The following QPRT variants were observed in gnomAD, a reference collection of about 807,000 sequenced individuals.
QPRT encodes the protein quinolinate phosphoribosyltransferase, also known as nicotinate-nucleotide pyrophosphorylase [carboxylating].
Under a neutral mutation model 19.8 loss-of-function variants are expected in QPRT, and 17 were observed. The ratio of observed to expected loss-of-function variants is 0.86; its 90% confidence interval spans 0.59 to 1.29. The LOEUF (loss-of-function observed/expected upper bound fraction) is 1.29, where lower values mean the gene tolerates loss of function less well. Among genes scored for constraint, QPRT ranks in the 50% most tolerant of loss-of-function variants. QPRT has a pLI of 0.00. For synonymous variants in QPRT, 178 were observed against 191.0 expected (o/e 0.93, Z 0.56); for missense variants, 336 against 405.1 (o/e 0.83, Z 1.46).
intron 2 of QPRT, chr16:29,695,793 CTTTTTTTT>C (rs35141323): frequency 2.0e-4 from 9 of 45,732 alleles, no homozygotes; most frequent in Non-Finnish European, 2.7e-4. Context: ...ACCCAGCTGC[CTTTTTTTT>C]TTTTTTTTTT....
intron 1 of QPRT, among the ~76,000 whole-genome samples, chr16:29,689,303 C>G (rs1407843830): frequency 6.6e-6 from 1 of 152,032 alleles, no homozygotes. Context: ...CCATGTTGGA[C>G]AGGCTGGTCT....
At position 29,695,834 on chromosome 16, in the gene QPRT, A is replaced by G. The variant is rs1409999710; in HGVS notation, c.549+635A>G. 8 of 113,372 alleles carry G rather than the reference A, an allele frequency of 7.1e-5. No homozygotes were observed. The East Asian group carries it at 1.9e-3, about 27-fold the overall frequency. The allele number at this position is 113,372 out of a possible 1,614,324, so 7.0% of individuals were successfully genotyped here. A position where few individuals can be genotyped will look rare whatever the true frequency, so the allele number is the denominator to read the frequency against. ...TTTTTTTTTGAGATGGGGTCTCACT[A>G]TGTTGCCCAGGCTGGTCTCAAACTT... On this transcript the variant is annotated intron_variant, in intron 2 of 3. Transcript: ENST00000395384.
chr16:29,680,487 G>A (rs1279964247), intron 1 of QPRT, among the ~76,000 whole-genome samples: 10 of 152,108 alleles, frequency 6.6e-5, no homozygotes, highest in African/African-American at 2.4e-5. Context: ...CACAGGGGTG[G>A]CTGACTAAAC....
chr16:29,680,044 G>A (rs1363186262), intron 1 of QPRT, among the ~76,000 whole-genome samples: 7 of 147,248 alleles, frequency 4.8e-5, no homozygotes, highest in African/African-American at 1.8e-4. Context: ...TGCAAGCTCC[G>A]CCTCCCGGGT....
chr16:29,689,047 C>T (rs903798824), intron 1 of QPRT, among the ~76,000 whole-genome samples: 4 of 152,114 alleles, frequency 2.6e-5, no homozygotes, highest in Admixed American at 6.6e-5. Flanking sequence ...TCCCAAAGTG[C>T]TGGGATTACA....
intron 1 of QPRT, among the ~76,000 whole-genome samples, chr16:29,687,493 T>G (rs1967196765): frequency 6.6e-6 from 1 of 152,192 alleles, no homozygotes; most frequent in Non-Finnish European, 1.5e-5. Context: ...GATTGTGGAC[T>G]GGAGACAACC....
chr16:29,694,060 C>T (rs1005474873), intron 1 of QPRT, among the ~76,000 whole-genome samples: 3 of 151,976 alleles, frequency 2.0e-5, no homozygotes, highest in African/African-American at 7.3e-5. Context: ...AGTGATCTGC[C>T]TGCCCCAGCC....
chr16:29,688,967 G>T (rs933765987), intron 1 of QPRT, among the ~76,000 whole-genome samples: 4 of 151,494 alleles, frequency 2.6e-5, no homozygotes, highest in African/African-American at 9.7e-5. Flanking sequence ...TTTTAGGAGA[G>T]ACGGGGTTTC....
chr16:29,684,298 T>C (rs1293567560), intron 1 of QPRT, among the ~76,000 whole-genome samples: 2 of 152,006 alleles, frequency 1.3e-5, no homozygotes, highest in African/African-American at 4.8e-5. Flanking sequence ...TTTTTCTTTT[T>C]TTCTTTTGTT....
In QPRT at chr16:29,697,442, T is replaced by C. The variant is rs759334458; in HGVS notation, c.*31T>C. ...AACCGGAAGAGGATGACACCGGCCA[T>C]GGGTTAACGTGGCTCCTCAGGACCC... On this transcript the variant is annotated 3_prime_UTR_variant, in exon 4 of 4. Coordinates refer to ENST00000395384, the MANE Select transcript of QPRT (RefSeq NM_014298.6). The surrounding 1 kb of genome is among the most constrained non-coding windows in gnomAD (Gnocchi z 4.4). 5.1e-6 allele frequency: 8 copies of C among 1,581,662 alleles called. No homozygotes were observed. In the South Asian group the frequency reaches 7.8e-5, roughly 15 times the overall value.
intron 2 of QPRT, among the ~76,000 whole-genome samples, 189 bp downstream of exon 2, chr16:29,695,388 G>A (rs1405138728): frequency 2.0e-5 from 3 of 152,106 alleles, no homozygotes; most frequent in African/African-American, 7.2e-5. Flanking sequence ...TAAGCTAAAG[G>A]GGAGCTGGGC....
At chr16:29,690,116 G>T (rs1203278782) in intron 1 of QPRT, among the ~76,000 whole-genome samples, 5 of 151,210 alleles carry the variant, frequency 3.3e-5, no homozygotes, top group Admixed American at 2.0e-4. Context: ...TTATAAGTGA[G>T]AACACGCGGT....
At chr16:29,679,174 C>T (rs781226252), upstream of QPRT, 3 of 1,613,820 alleles carry the variant, frequency 1.9e-6, no homozygotes, top group East Asian at 2.2e-5. Flanking sequence ...GCCAACACAC[C>T]AGCCCAGACA....
chr16:29,679,924 T>G (rs1966942493), intron 1 of QPRT, among the ~76,000 whole-genome samples: 1 of 151,906 alleles, frequency 6.6e-6, no homozygotes, highest in African/African-American at 2.4e-5. Context: ...GAATTTCCTT[T>G]AAGCTCAAAG....
chr16:29,687,921 G>A (rs939658437), intron 1 of QPRT, among the ~76,000 whole-genome samples: 3 of 151,926 alleles, frequency 2.0e-5, no homozygotes, highest in Admixed American at 6.6e-5. Flanking sequence ...GTTCAAGGCT[G>A]CAGTGAGCCA....
rs1041178573 is a variant in QPRT, at chr16:29,695,107, C to T, written c.457C>T (p.Leu153=). ...GFRLVEKYGL[L]VGGAASHRYD... is the part of the protein sequence containing the mutation. ...CCGGCTGGTGGAGAAGTATGGGCTC[C>T]TGGTGGGCGGGGCCGCCTCGCACCG... is the stretch of plus-strand genomic sequence containing the variant. Residue 153 remains leucine, a synonymous_variant, in exon 2 of 4, where the codon CTG becomes TTG. Coordinates refer to ENST00000395384, the MANE Select transcript of QPRT (RefSeq NM_014298.6). 1.2e-6 allele frequency: 2 copies of T among 1,601,090 alleles called. No individual in the cohort carries two copies. The highest frequency in any genetic ancestry group is 8.5e-7 in the Non-Finnish European group (1 of 1,175,396).
chr16:29,680,181 T>C (rs927197787), intron 1 of QPRT, among the ~76,000 whole-genome samples: 37 of 151,936 alleles, frequency 2.4e-4, no homozygotes, highest in Admixed American at 2.2e-3. Context: ...ATGGTCTCAT[T>C]TCCCAACCTC....
chr16:29,690,512 G>A (rs747179511), intron 1 of QPRT, among the ~76,000 whole-genome samples: 3 of 151,838 alleles, frequency 2.0e-5, no homozygotes, highest in East Asian at 3.9e-4. Context: ...TTGCAACCTC[G>A]CCAGATCTCG....
chr16:29,695,268 A>G (rs1967495502), intron 2 of QPRT, 69 bp downstream of exon 2: 1 of 1,436,816 alleles, frequency 7.0e-7, no homozygotes. Context: ...TCCCCTCTCC[A>G]GAGCCTCCAG....
Sources: gnomAD v4.1 joint callset for allele counts (sites outside exome capture counted in the v4.1 genomes callset) on GRCh38, gnomAD v4.1.1 for gene constraint, Gnocchi (gnomAD v3.1) non-coding constraint, MANE v1.5 for transcripts, NCBI Gene and HGNC (gene_info 2026-07-23, HGNC 2026-07-21) for gene names.